RASAL2: variants seen among roughly 807,000 people sequenced by gnomAD.
The protein encoded by RASAL2 is ras GTPase-activating protein nGAP.
Under a neutral mutation model 128.9 loss-of-function variants are expected in RASAL2, and 58 were observed. The observed-to-expected ratio is 0.45, with a 90% CI of 0.36 to 0.56. RASAL2 has a LOEUF of 0.56. RASAL2 is among the 20% of genes least tolerant of loss of function. The probability of loss-of-function intolerance (pLI) is 0.00; values close to 1 mark genes in which losing one functional copy is unlikely to be tolerated. For synonymous variants in RASAL2, 561 were observed against 580.8 expected, an observed-to-expected ratio of 0.97 and a Z score of 0.49; for missense variants, 1,360 against 1,601.6, an observed-to-expected ratio of 0.85 and a Z score of 2.57.
intron 17 of RASAL2, among the ~76,000 whole-genome samples, chr1:178,472,160 A>G (rs1277543382): frequency 6.6e-6 from 1 of 152,194 alleles, no homozygotes; most frequent in Non-Finnish European, 1.5e-5. Flanking sequence ...GGAGACTGAT[A>G]ATGTTTTGAT....
intron 3 of RASAL2, among the ~76,000 whole-genome samples, chr1:178,374,556 A>G (rs922516594): frequency 6.6e-6 from 1 of 152,156 alleles, no homozygotes; most frequent in Admixed American, 6.5e-5. Context: ...GCTCACTGCT[A>G]GTTTGATGAA....
intron 9 of RASAL2, among the ~76,000 whole-genome samples, chr1:178,447,577 A>G (rs1207349616): frequency 1.3e-5 from 2 of 149,256 alleles, no homozygotes. Flanking sequence ...AGGCTGAGGC[A>G]GGAGAATTGC....
At chr1:178,237,715 G>A (rs1404258386) in intron 1 of RASAL2, among the ~76,000 whole-genome samples, 1 of 151,944 alleles carries the variant, frequency 6.6e-6, no homozygotes, top group Non-Finnish European at 1.5e-5. Context: ...TTTTTATTGT[G>A]ATAGCATGCA....
In RASAL2 at chr1:178,474,317, ACT is replaced by A. The variant is rs1336831150; in HGVS notation, c.*1081_*1082del. 1 of 152,528 alleles carries A rather than the reference ACT, an allele frequency of 6.6e-6. No homozygotes were observed. The highest frequency in any genetic ancestry group is 2.4e-5 in the African/African-American group (1 of 41,438). 9.4% of individuals were successfully genotyped at this position (152,528 alleles called of 1,614,324 possible). ...GTTATAATTTTTGTTTGGGATAAAG[ACT>A]CTATCCATTGTACTAGCAAATCTAT... On this transcript the variant is annotated 3_prime_UTR_variant, in exon 18 of 18. Transcript: ENST00000367649.
intron 3 of RASAL2, among the ~76,000 whole-genome samples, chr1:178,386,976 G>A (rs544428587): frequency 5.3e-5 from 8 of 152,272 alleles, no homozygotes; most frequent in African/African-American, 1.9e-4. Flanking sequence ...TATGCTGTTC[G>A]TTCTGTGACT....
intron 2 of RASAL2, among the ~76,000 whole-genome samples, chr1:178,286,460 G>T (rs1006522168): frequency 1.3e-5 from 2 of 151,966 alleles, no homozygotes; most frequent in Admixed American, 6.6e-5. Flanking sequence ...TCTCAAGCTG[G>T]AGTGCAATGG....
chr1:178,401,083 A>G (rs1673595841), intron 4 of RASAL2, among the ~76,000 whole-genome samples: 1 of 152,236 alleles, frequency 6.6e-6, no homozygotes. Flanking sequence ...CCACTCTTCT[A>G]GAAGACAAGA....
At chr1:178,188,072 A>G (rs1444884415) in intron 1 of RASAL2, among the ~76,000 whole-genome samples, 1 of 152,168 alleles carries the variant, frequency 6.6e-6, no homozygotes, top group Non-Finnish European at 1.5e-5. Flanking sequence ...TGAGTAAGTT[A>G]TGGAACTTTT....
In RASAL2 at chr1:178,443,082, T is replaced by C. The variant is rs1282069550; in HGVS notation, c.1335T>C (p.Pro445=). ...KSRFQTITIL[P]MEQYKEFAEF... ...GTTTCCAAACTATCACCATTCTGCCTATGGAGCAATACAAAGAATTTGCAG... is the reference window on the plus strand; with the variant it reads ...GTTTCCAAACTATCACCATTCTGCCCATGGAGCAATACAAAGAATTTGCAG... Residue 445 remains proline (P), a synonymous_variant, in exon 8 of 18, where the codon CCT becomes CCC. Coordinates refer to ENST00000367649, the MANE Select transcript of RASAL2 (RefSeq NM_170692.4). 22 of 1,613,884 alleles carry C rather than the reference T, an allele frequency of 1.4e-5. No individual in the cohort carries two copies. The highest frequency in any genetic ancestry group is 1.9e-5 in the Non-Finnish European group (22 of 1,179,956).
At chr1:178,392,465 G>A (rs1275537105) in intron 4 of RASAL2, among the ~76,000 whole-genome samples, 3 of 152,110 alleles carry the variant, frequency 2.0e-5, no homozygotes, top group Non-Finnish European at 4.4e-5. Flanking sequence ...AAGGTAGGTG[G>A]GGGCAAGACT....
chr1:178,457,868 C>T lies in RASAL2; in HGVS notation c.2576C>T (p.Ala859Val). The T allele has an allele frequency of 6.2e-7, 1 of 1,614,184 alleles. No homozygotes were observed. Among genetic ancestry groups the T allele is most frequent in the South Asian group, 1.1e-5 (1 of 91,078 alleles). The change falls in exon 14 of 18, where the codon GCT becomes GTT. Residue 859 changes from alanine (A) to valine (V), a missense_variant. Around this residue, in one of 3 missense-constraint regions of RASAL2, gnomAD observed 741 missense variants for 868.6 expected, o/e 0.85. Coordinates refer to ENST00000367649, the MANE Select transcript of RASAL2 (RefSeq NM_170692.4). Reference sequence around the variant, plus strand: ...ATGGACCTCCAGGACACTCATGCTGCTCAAGTGGAGCATGCATCTGTCATG... The same window carrying T: ...ATGGACCTCCAGGACACTCATGCTGTTCAAGTGGAGCATGCATCTGTCATG... ...SLMDLQDTHA[A>V]QVEHASVMLD...
intron 3 of RASAL2, among the ~76,000 whole-genome samples, chr1:178,332,895 C>T (rs1669402492): frequency 6.6e-6 from 1 of 152,004 alleles, no homozygotes; most frequent in African/African-American, 2.4e-5. Context: ...AGCCACTGCG[C>T]CTGGCCAAAT....
intron 3 of RASAL2, among the ~76,000 whole-genome samples, chr1:178,333,316 C>T (rs182883178): frequency 3.8e-4 from 58 of 152,086 alleles, no homozygotes; most frequent in African/African-American, 1.2e-3. Flanking sequence ...CGTAAGCCAC[C>T]GCGCCCGGCC....
At chr1:178,422,362 G>A (rs545075741) in intron 5 of RASAL2, among the ~76,000 whole-genome samples, 2 of 152,008 alleles carry the variant, frequency 1.3e-5, no homozygotes, top group South Asian at 4.2e-4. Context: ...TAATGTTAAT[G>A]CTTTAATCAA....
At chr1:178,163,427 C>T (rs1025343727) in intron 1 of RASAL2, among the ~76,000 whole-genome samples, 17 of 152,118 alleles carry the variant, frequency 1.1e-4, no homozygotes, top group African/African-American at 3.1e-4. Context: ...TAAGAGTTTT[C>T]TAGTTTTAGC....
chr1:178,412,769 G>A (rs533389163), intron 4 of RASAL2, among the ~76,000 whole-genome samples: 33 of 152,270 alleles, frequency 2.2e-4, no homozygotes, highest in African/African-American at 7.0e-4. Flanking sequence ...TGGAGGCTTA[G>A]TGTGGCCAAG....
chr1:178,120,226 C>T lies in RASAL2; in HGVS notation c.202+25532C>T, dbSNP rs558035763. Among the ~76,000 whole-genome samples, 15 of 152,244 alleles carry T rather than the reference C, an allele frequency of 9.9e-5. No individual in the cohort carries two copies. In the South Asian group the frequency reaches 2.7e-3, roughly 27 times the overall value. ...AAAGTGGCTTGGAGAATGTGAATCACCTGTTGCAATGAACTCATAATTTAA... is the reference window on the plus strand; with the variant it reads ...AAAGTGGCTTGGAGAATGTGAATCATCTGTTGCAATGAACTCATAATTTAA... On this transcript the variant is annotated intron_variant, in intron 1 of 17. Coordinates refer to ENST00000367649, the MANE Select transcript of RASAL2 (RefSeq NM_170692.4).
intron 1 of RASAL2, among the ~76,000 whole-genome samples, chr1:178,173,956 C>T (rs1274380003): frequency 1.3e-5 from 2 of 150,988 alleles, no homozygotes; most frequent in African/African-American, 4.9e-5. Flanking sequence ...TCCTTAATTC[C>T]CCCCTCCCCA....
chr1:178,231,316 GT>G (rs1664000331), intron 1 of RASAL2, among the ~76,000 whole-genome samples: 3 of 152,076 alleles, frequency 2.0e-5, no homozygotes, highest in Non-Finnish European at 4.4e-5. Flanking sequence ...TCATATGCTT[GT>G]TGGCCTTTAA....
Sources: gnomAD v4.1 joint callset for allele counts (sites outside exome capture counted in the v4.1 genomes callset) on GRCh38, gnomAD v4.1.1 for gene constraint, gnomAD v4.1.1 regional missense constraint, MANE v1.5 for transcripts, NCBI Gene and HGNC (gene_info 2026-07-23, HGNC 2026-07-21) for gene names.